Variants in CATSPERB observed in about 807,000 individuals in gnomAD.
The protein encoded by CATSPERB is catsper channel auxiliary subunit beta.
In CATSPERB, 93 loss-of-function variants were observed where a neutral mutation model predicts 128.3. The observed-to-expected ratio is 0.72, with a 90% CI of 0.61 to 0.86. The LOEUF (loss-of-function observed/expected upper bound fraction) is 0.86, where lower values mean the gene tolerates loss of function less well. Among genes scored for constraint, CATSPERB ranks in the 40% least tolerant of loss-of-function variants. The pLI is 0.00. For missense variants in CATSPERB, 1,153 were observed against 1,329.5 expected, an observed-to-expected ratio of 0.87 and a Z score of 2.06; for synonymous variants, 381 against 448.8, an observed-to-expected ratio of 0.85 and a Z score of 1.91.
At chr14:91,588,112 T>G in intron 24 of CATSPERB, 34 bp from the exon 25 acceptor site, 1 of 1,370,564 alleles carries the variant, frequency 7.3e-7, no homozygotes, top group South Asian at 1.2e-5. Context: ...TAAGCACACT[T>G]ATTTTTCTCA....
chr14:91,677,292 C>CA (rs149289914), intron 11 of CATSPERB, among the ~76,000 whole-genome samples: 60,975 of 151,748 alleles, frequency 0.4, 12,609 homozygotes, highest in Non-Finnish European at 0.46. Flanking sequence ...AGGCAACCTA[C>CA]GAATGGGAGA....
intron 13 of CATSPERB, among the ~76,000 whole-genome samples, chr14:91,672,542 T>C (rs112050223): frequency 2.0e-5 from 3 of 152,144 alleles, no homozygotes; most frequent in African/African-American, 7.2e-5. Flanking sequence ...TGGCAATTAC[T>C]TCCATTTTTT....
At chr14:91,610,416 G>T (rs1007864174) in intron 21 of CATSPERB, 64 bp downstream of exon 21, 3 of 1,298,734 alleles carry the variant, frequency 2.3e-6, no homozygotes, top group Non-Finnish European at 3.2e-6. Context: ...GAATGGGTAG[G>T]CAATCACACA....
At chr14:91,606,237 A>G (rs1893700738) in intron 22 of CATSPERB, among the ~76,000 whole-genome samples, 1 of 152,124 alleles carries the variant, frequency 6.6e-6, no homozygotes, top group Admixed American at 6.6e-5. Context: ...TTTCTGATGC[A>G]GTAGCTATGA....
chr14:91,673,906 C>T (rs1895145541), intron 12 of CATSPERB, among the ~76,000 whole-genome samples: 1 of 151,830 alleles, frequency 6.6e-6, no homozygotes, highest in Non-Finnish European at 1.5e-5. Flanking sequence ...TCCTTAATGT[C>T]TGTGCCTCTC....
intron 17 of CATSPERB, among the ~76,000 whole-genome samples, chr14:91,631,057 C>T (rs1043352385): frequency 2.0e-5 from 3 of 152,218 alleles, no homozygotes; most frequent in Non-Finnish European, 4.4e-5. Context: ...TGGGTCTTTG[C>T]TTACCCTTCT....
At chr14:91,709,809 T>G (rs1327056832) in intron 5 of CATSPERB, 4 of 151,046 alleles carry the variant, frequency 2.6e-5, no homozygotes, top group Admixed American at 2.6e-4. Context: ...GTACATGGAG[T>G]GATTGAACAT....
intron 18 of CATSPERB, among the ~76,000 whole-genome samples, chr14:91,624,353 A>T (rs889051061): frequency 1.3e-5 from 2 of 152,242 alleles, no homozygotes; most frequent in African/African-American, 4.8e-5. Flanking sequence ...GCGTGGCAGC[A>T]TGCGCCTGCA....
At chr14:91,646,003 G>C (rs556755281) in intron 15 of CATSPERB, 1 of 151,324 alleles carries the variant, frequency 6.6e-6, no homozygotes, top group Non-Finnish European at 1.5e-5. Flanking sequence ...TCTTTGACTC[G>C]GAAAGGGAAC....
rs35078318 is a variant in CATSPERB at position 91,723,204 on chromosome 14, G to GAA, written c.169-17_169-16dup. 54,367 of 1,202,700 alleles carry GAA rather than the reference G, an allele frequency of 0.045. 1 individual carries two copies. Among genetic ancestry groups the GAA allele is most frequent in the Non-Finnish European group, 0.049 (44,989 of 912,464 alleles). The allele number at this position is 1,202,700 out of a possible 1,614,324, so 74.5% of individuals were successfully genotyped here. On this transcript the variant is annotated splice_polypyrimidine_tract_variant and intron_variant, in intron 3 of 26. Coordinates refer to ENST00000256343, the MANE Select transcript of CATSPERB (RefSeq NM_024764.4). Reference sequence around the variant, plus strand: ...CACTGGATTTTCTTTAGGAAAGCAAGAAAAAAAAAAACAACTAATAACCAC... The same window carrying GAA: ...CACTGGATTTTCTTTAGGAAAGCAAGAAAAAAAAAAAAACAACTAATAACCAC...
chr14:91,608,272 T>TA (rs1238380774), intron 22 of CATSPERB, 22 bp downstream of exon 22: 1 of 1,406,204 alleles, frequency 7.1e-7, no homozygotes, highest in Non-Finnish European at 1.0e-6. Flanking sequence ...AGTGCTAGAT[T>TA]ATTTGTAAAA....
At chr14:91,724,402 T>C (rs957544235) in intron 3 of CATSPERB, among the ~76,000 whole-genome samples, 1 of 152,158 alleles carries the variant, frequency 6.6e-6, no homozygotes. Flanking sequence ...AATAGTTGTA[T>C]ATACAAAGCT....
At chr14:91,729,084 A>G (rs1325394432) in intron 2 of CATSPERB, among the ~76,000 whole-genome samples, 2 of 152,230 alleles carry the variant, frequency 1.3e-5, no homozygotes, top group Non-Finnish European at 2.9e-5. Flanking sequence ...TCATGCCTGT[A>G]ATCTCAGCAC....
chr14:91,692,927 A>T (rs1277967494), intron 9 of CATSPERB, among the ~76,000 whole-genome samples, 199 bp downstream of exon 9: 1 of 152,218 alleles, frequency 6.6e-6, no homozygotes, highest in East Asian at 1.9e-4. Context: ...AGAGCAATAC[A>T]ACTAGCACCA....
intron 14 of CATSPERB, among the ~76,000 whole-genome samples, chr14:91,667,048 AG>A (rs548167640): frequency 1.1e-3 from 165 of 152,360 alleles, no homozygotes; most frequent in African/African-American, 3.8e-3. Context: ...CTCTTCCCCC[AG>A]GGGCCAGCGC....
chr14:91,675,519 G>A (rs1235630730), intron 11 of CATSPERB, among the ~76,000 whole-genome samples: 1 of 152,182 alleles, frequency 6.6e-6, no homozygotes, highest in Non-Finnish European at 1.5e-5. Flanking sequence ...TGTCTGGGCA[G>A]GTACATCATC....
rs201188257 is a variant in CATSPERB, at chr14:91,708,153, C to A, written c.454G>T (p.Asp152Tyr). The change falls in exon 6 of 27, where the codon GAT (aspartate) becomes TAT (tyrosine). Residue 152 changes from aspartate (D) to tyrosine (Y), a missense_variant. Coordinates refer to ENST00000256343, the MANE Select transcript of CATSPERB (RefSeq NM_024764.4). Reference protein sequence around the residue: ...NIYATEGTLLDVIREPILQWT... With the variant: ...NIYATEGTLLYVIREPILQWT... ...TGTTGGCATTTACCTCGAATAACATCCAATAGAGTTCCTTCAGTAGCATAA... is the reference window on the plus strand; with the variant it reads ...TGTTGGCATTTACCTCGAATAACATACAATAGAGTTCCTTCAGTAGCATAA... 6.2e-6 allele frequency: 10 copies of A among 1,607,496 alleles called. No homozygotes were observed. Among genetic ancestry groups the A allele is most frequent in the Admixed American group, 5.0e-5 (3 of 59,786 alleles).
chr14:91,630,673 T>C (rs920472443), intron 17 of CATSPERB, among the ~76,000 whole-genome samples: 2 of 152,326 alleles, frequency 1.3e-5, no homozygotes, highest in South Asian at 2.1e-4. Flanking sequence ...CCATAATCTG[T>C]CACCTGTATT....
chr14:91,650,449 T>C (rs902175898), intron 15 of CATSPERB, among the ~76,000 whole-genome samples: 2 of 152,208 alleles, frequency 1.3e-5, no homozygotes, highest in African/African-American at 2.4e-5. Context: ...ATGAGTTGAG[T>C]TGGTTCCAAA....
Sources: gnomAD v4.1 joint callset for allele counts (sites outside exome capture counted in the v4.1 genomes callset) on GRCh38, gnomAD v4.1.1 for gene constraint, MANE v1.5 for transcripts, NCBI Gene and HGNC (gene_info 2026-07-23, HGNC 2026-07-21) for gene names.